Variants in SUSD1 observed in about 807,000 individuals in gnomAD.
SUSD1 encodes sushi domain containing 1.
A neutral mutation model predicts 86.9 loss-of-function variants in SUSD1; 65 were observed. The observed-to-expected ratio is 0.75, with a 90% CI of 0.61 to 0.92. SUSD1 has a LOEUF of 0.92. Ranked by LOEUF, SUSD1 falls within the 40% of genes least tolerant of loss-of-function variation. SUSD1 has a pLI of 0.00. For missense variants in SUSD1, 850 were observed against 929.7 expected (o/e 0.91, Z 1.11); for synonymous variants, 346 against 350.0 (o/e 0.99, Z 0.13).
Position 112,134,083 on chromosome 9 carries a change from C to T in SUSD1, c.706+8237G>A, listed in dbSNP as rs781338663. Among the ~76,000 whole-genome samples the T allele has an allele frequency of 7.9e-5, 12 of 151,944 alleles. No individual in the cohort carries two copies. The South Asian group carries it at 8.4e-4, about 11-fold the overall frequency. On this transcript the variant is annotated intron_variant, in intron 5 of 16. Coordinates refer to ENST00000374270, the MANE Select transcript of SUSD1 (RefSeq NM_022486.5). The stretch of plus-strand genomic sequence containing the variant: ...AAAATAACAGATGCTGGTAAGGCTA[C>T]AGAGAAAAGGGAATGCTTATATGCT...
chr9:112,053,664 C>T (rs938710385), intron 14 of SUSD1, among the ~76,000 whole-genome samples: 3 of 151,886 alleles, frequency 2.0e-5, no homozygotes, highest in Non-Finnish European at 4.4e-5. Context: ...TATTTCAAGA[C>T]ACTGGAGAAT....
intron 8 of SUSD1, among the ~76,000 whole-genome samples, chr9:112,106,800 A>G (rs1246624509): frequency 1.8e-5 from 2 of 113,146 alleles, no homozygotes; most frequent in East Asian, 5.7e-4. Flanking sequence ...AGTGAACAAT[A>G]TTTCAGTCTT....
intron 5 of SUSD1, among the ~76,000 whole-genome samples, chr9:112,127,032 G>C (rs981598629): frequency 3.3e-5 from 5 of 152,078 alleles, no homozygotes; most frequent in Middle Eastern, 3.2e-3. Context: ...GGGATGGCCA[G>C]GAGTTTAAGG....
At chr9:112,108,387 C>G (rs1055130228) in intron 8 of SUSD1, among the ~76,000 whole-genome samples, 1 of 151,666 alleles carries the variant, frequency 6.6e-6, no homozygotes, top group South Asian at 2.1e-4. Flanking sequence ...GCATTCAACT[C>G]AAGAATTTAG....
Position 112,112,761 on chromosome 9 carries a change from C to T in SUSD1, c.984+10G>A. Reference sequence around the variant, plus strand: ...TGTCCTAGCAGGAAAAAGTAGATCACTTTACTTACCACATATGAGATCTTG... The same window carrying T: ...TGTCCTAGCAGGAAAAAGTAGATCATTTTACTTACCACATATGAGATCTTG... On this transcript the variant is annotated intron_variant, in intron 7 of 16. Coordinates refer to ENST00000374270, the MANE Select transcript of SUSD1 (RefSeq NM_022486.5). The T allele has an allele frequency of 6.3e-7, 1 of 1,596,502 alleles. No individual in the cohort carries two copies. The highest frequency in any genetic ancestry group is 8.6e-7 in the Non-Finnish European group (1 of 1,164,074).
chr9:112,107,659 T>C (rs1830910369), intron 8 of SUSD1, among the ~76,000 whole-genome samples: 1 of 152,180 alleles, frequency 6.6e-6, no homozygotes, highest in South Asian at 2.1e-4. Flanking sequence ...ATCATGCAAA[T>C]GCAAGCACAA....
chr9:112,096,071 T>C (rs1162919283), intron 10 of SUSD1, among the ~76,000 whole-genome samples: 1 of 152,182 alleles, frequency 6.6e-6, no homozygotes, highest in African/African-American at 2.4e-5. Flanking sequence ...AAGTTTAAAT[T>C]GACACGTGGT....
chr9:112,047,662 G>A (rs889738264), intron 15 of SUSD1, among the ~76,000 whole-genome samples: 22 of 152,156 alleles, frequency 1.4e-4, no homozygotes, highest in African/African-American at 5.1e-4. Flanking sequence ...TCTCTCAGAG[G>A]TGAGTGAGTT....
chr9:112,143,692 T>C, intron 3 of SUSD1, 69 bp from the exon 4 acceptor site: 2 of 1,449,424 alleles, frequency 1.4e-6, no homozygotes, highest in Non-Finnish European at 9.3e-7. Flanking sequence ...GGAGAGGATA[T>C]TGTGACAGCC....
At chr9:112,050,768 C>T (rs181705321) in intron 15 of SUSD1, among the ~76,000 whole-genome samples, 93 of 152,294 alleles carry the variant, frequency 6.1e-4, no homozygotes, top group African/African-American at 1.8e-3. Flanking sequence ...TCCTGGGAAT[C>T]AAATCCACTG....
intron 8 of SUSD1, among the ~76,000 whole-genome samples, chr9:112,109,385 G>A (rs545622835): frequency 1.3e-5 from 2 of 152,186 alleles, no homozygotes; most frequent in East Asian, 3.9e-4. Flanking sequence ...AGGATCTAGA[G>A]GAAAAAAATG....
Position 112,058,600 on chromosome 9 carries a change from G to C in SUSD1, c.1937C>G (p.Ala646Gly), listed in dbSNP as rs762252274. 5.6e-6 allele frequency: 9 copies of C among 1,614,022 alleles called. No homozygotes were observed. The highest frequency in any genetic ancestry group is 7.6e-6 in the Non-Finnish European group (9 of 1,180,032). Residue 646 changes from alanine (A) to glycine (G), a missense_variant, in exon 14 of 17, where the codon GCC (alanine) becomes GGC (glycine). Physicochemically the swap from Ala to Gly is moderately conservative, Grantham distance 60. Coordinates refer to ENST00000374270, the MANE Select transcript of SUSD1 (RefSeq NM_022486.5). ...SEGASSFFSN[A>G]SDADGYVAAE... is the part of the protein sequence containing the mutation. ...AGCCACGTATCCATCAGCATCAGAGGCGTTGCTAAAGAAGGAGGAAGCGCC... is the reference window on the plus strand; with the variant it reads ...AGCCACGTATCCATCAGCATCAGAGCCGTTGCTAAAGAAGGAGGAAGCGCC...
intron 12 of SUSD1, among the ~76,000 whole-genome samples, chr9:112,070,491 C>T (rs990937243): frequency 2.6e-5 from 4 of 152,178 alleles, no homozygotes; most frequent in African/African-American, 9.7e-5. Flanking sequence ...CCATCAACCT[C>T]GTTACTGATT....
rs143385492 is a variant in SUSD1, at chr9:112,126,686, A to G, written c.707-2250T>C. On this transcript the variant is annotated intron_variant, in intron 5 of 16. Transcript: ENST00000374270. ...CATGGTTCTAACAGCTATACGTCTGAATCCCCTGGGAAGCTTTAGAAAAAC... is the reference window on the plus strand; with the variant it reads ...CATGGTTCTAACAGCTATACGTCTGGATCCCCTGGGAAGCTTTAGAAAAAC... 1.2e-4 allele frequency among the ~76,000 whole-genome samples: 19 copies of G among 152,254 alleles called. No individual in the cohort carries two copies. In the East Asian group the frequency reaches 3.7e-3, roughly 29 times the overall value.
intron 12 of SUSD1, among the ~76,000 whole-genome samples, chr9:112,074,269 T>C (rs956257486): frequency 3.3e-5 from 5 of 152,142 alleles, no homozygotes; most frequent in African/African-American, 9.7e-5. Context: ...GATGCTCTTC[T>C]GACTCTTTGG....
Position 112,098,425 on chromosome 9 carries a change from G to C in SUSD1, c.1474+45C>G, listed in dbSNP as rs534969916. 23 of 1,590,044 alleles carry C rather than the reference G, an allele frequency of 1.4e-5. 1 individual carries two copies. The highest frequency in any genetic ancestry group is 1.8e-4 in the Middle Eastern group (1 of 5,436). ...CCGCCCACACTGCTCAATTCACATA[G>C]GTAATTTGTCCTGAGGCACAAAAAA... On this transcript the variant is annotated intron_variant, in intron 10 of 16. Coordinates refer to ENST00000374270, the MANE Select transcript of SUSD1 (RefSeq NM_022486.5).
chr9:112,148,284 T>C (rs900961175), intron 3 of SUSD1, among the ~76,000 whole-genome samples: 5 of 152,168 alleles, frequency 3.3e-5, no homozygotes, highest in African/African-American at 7.2e-5. Context: ...ATGCTGTTTA[T>C]AGAGTTCAGA....
intron 10 of SUSD1, among the ~76,000 whole-genome samples, chr9:112,082,384 A>G (rs1218899206): frequency 6.6e-6 from 1 of 152,236 alleles, no homozygotes; most frequent in Non-Finnish European, 1.5e-5. Flanking sequence ...GGTGACTAAG[A>G]CAGTGAGATT....
intron 8 of SUSD1, among the ~76,000 whole-genome samples, chr9:112,108,774 C>CAAAAAAAAAAAAAAAAAAAAAAAAAA (rs11312103): frequency 1.5e-5 from 1 of 68,602 alleles, no homozygotes; most frequent in Non-Finnish European, 3.1e-5. Context: ...CTGGGTGTCT[C>CAAAAAAAAAAAAAAAAAAAAAAAAAA]AAAAAAAAAA....
Sources: gnomAD v4.1 joint callset for allele counts (sites outside exome capture counted in the v4.1 genomes callset) on GRCh38, gnomAD v4.1.1 for gene constraint, MANE v1.5 for transcripts, NCBI Gene and HGNC (gene_info 2026-07-23, HGNC 2026-07-21) for gene names.